Variants in TNKS2 observed in about 807,000 individuals in gnomAD.
TNKS2 encodes poly [ADP-ribose] polymerase tankyrase-2.
In TNKS2, 72 loss-of-function variants were observed where a neutral mutation model predicts 137.6. The ratio of observed to expected loss-of-function variants is 0.52; its 90% CI spans 0.43 to 0.64. The LOEUF (loss-of-function observed/expected upper bound fraction) is 0.64. Ranked by LOEUF, TNKS2 falls within the 30% of genes least tolerant of loss-of-function variation. The probability of loss-of-function intolerance (pLI) is 0.00; values close to 1 mark genes in which losing one functional copy is unlikely to be tolerated. For synonymous variants in TNKS2, 516 were observed against 512.1 expected, an observed-to-expected ratio of 1.01 and a Z score of -0.10; for missense variants, 1,049 against 1,410.2, an observed-to-expected ratio of 0.74 and a Z score of 4.10.
At chr10:91,834,542 C>G (rs1841937570) in intron 12 of TNKS2, among the ~76,000 whole-genome samples, 1 of 152,200 alleles carries the variant, frequency 6.6e-6, no homozygotes, top group South Asian at 2.1e-4. Context: ...TACATCTCTA[C>G]TTTTATTAGA....
chr10:91,803,347 C>T (rs1844233860), intron 1 of TNKS2, among the ~76,000 whole-genome samples: 1 of 151,928 alleles, frequency 6.6e-6, no homozygotes, highest in African/African-American at 2.4e-5. Context: ...CACCTCATCT[C>T]TACAAGAAAA....
At chr10:91,831,811 G>A (rs1845259877) in intron 11 of TNKS2, among the ~76,000 whole-genome samples, 1 of 152,156 alleles carries the variant, frequency 6.6e-6, no homozygotes, top group Non-Finnish European at 1.5e-5. Context: ...TGGAAGAGAT[G>A]ACAGTAGTCA....
rs529676356 is a variant in TNKS2 at position 91,798,515 on chromosome 10, C to T, written c.-176C>T. 1.5e-4 allele frequency: 102 copies of T among 695,756 alleles called. No individual in the cohort carries two copies. In the East Asian group the frequency reaches 4.2e-3, roughly 28 times the overall value. 43.1% of individuals were successfully genotyped at this position (695,756 alleles called of 1,614,324 possible). On this transcript the variant is annotated 5_prime_UTR_variant, in exon 1 of 27. Coordinates refer to ENST00000371627, the MANE Select transcript of TNKS2 (RefSeq NM_025235.4). ...GGCAGCCGGGGGGCAGGGAGCCCAG[C>T]GAGGGGCGCGCGTGGGCGCGGCCAT...
chr10:91,833,748 A>T, intron 11 of TNKS2, 105 bp from the exon 12 acceptor site: 1 of 923,754 alleles, frequency 1.1e-6, no homozygotes, highest in Non-Finnish European at 1.5e-6. Context: ...AATAGGCCTC[A>T]TAAAAGAATT....
At chr10:91,799,032 A>G in intron 1 of TNKS2, 143 bp downstream of exon 1, 15 of 1,216,456 alleles carry the variant, frequency 1.2e-5, no homozygotes, top group Non-Finnish European at 1.5e-5. Flanking sequence ...TCCAGTGGGG[A>G]CTAAGGAGAT....
intron 21 of TNKS2, among the ~76,000 whole-genome samples, chr10:91,854,287 C>T (rs1376358312): frequency 6.6e-6 from 1 of 152,104 alleles, no homozygotes; most frequent in Admixed American, 6.5e-5. Context: ...AAATGTGTTA[C>T]AAACTCATTA....
At chr10:91,858,292 T>A (rs1842763549) in intron 24 of TNKS2, among the ~76,000 whole-genome samples, 2 of 152,158 alleles carry the variant, frequency 1.3e-5, no homozygotes, top group African/African-American at 4.8e-5. Flanking sequence ...TCTAAACATG[T>A]TGCACTCCTT....
At chr10:91,829,165 A>C (rs1288319405) in intron 9 of TNKS2, among the ~76,000 whole-genome samples, 2 of 152,178 alleles carry the variant, frequency 1.3e-5, no homozygotes, top group East Asian at 3.8e-4. Flanking sequence ...TTACTTACCT[A>C]ATATCTTTTA....
At chr10:91,852,145 G>A (rs1292934262) in intron 21 of TNKS2, among the ~76,000 whole-genome samples, 2 of 151,860 alleles carry the variant, frequency 1.3e-5, no homozygotes, top group South Asian at 2.1e-4. Context: ...GGAGAATGGC[G>A]TGAACCCGGG....
intron 1 of TNKS2, 46 bp downstream of exon 1, chr10:91,798,935 C>T: frequency 1.5e-6 from 2 of 1,324,038 alleles, no homozygotes; most frequent in Non-Finnish European, 1.9e-6. Flanking sequence ...ACCCCACCTG[C>T]GCAGCCGGGG....
intron 16 of TNKS2, among the ~76,000 whole-genome samples, chr10:91,843,171 G>T (rs1270032427): frequency 6.6e-6 from 1 of 152,118 alleles, no homozygotes; most frequent in Non-Finnish European, 1.5e-5. Flanking sequence ...TGGTTTGTGA[G>T]AGTTCTCATA....
At chr10:91,817,723 G>A (rs1217579585) in intron 3 of TNKS2, among the ~76,000 whole-genome samples, 1 of 152,024 alleles carries the variant, frequency 6.6e-6, no homozygotes, top group Non-Finnish European at 1.5e-5. Context: ...GAGGATTCTA[G>A]GCACACTCAT....
At chr10:91,860,555 A>G (rs1281152112) in intron 25 of TNKS2, among the ~76,000 whole-genome samples, 1 of 152,206 alleles carries the variant, frequency 6.6e-6, no homozygotes, top group Admixed American at 6.5e-5. Context: ...TTGGCAGCAC[A>G]TTGGAATCAC....
chr10:91,851,193 G>T (rs762202020), intron 20 of TNKS2, 23 bp from the exon 21 acceptor site: 2 of 1,612,160 alleles, frequency 1.2e-6, no homozygotes, highest in Non-Finnish European at 1.7e-6. Context: ...AGCATTCTAA[G>T]TAGTTTCCTC....
intron 19 of TNKS2, among the ~76,000 whole-genome samples, chr10:91,849,114 G>A (rs893385119): frequency 3.9e-5 from 6 of 152,200 alleles, no homozygotes; most frequent in African/African-American, 1.4e-4. Context: ...TGGGATTATA[G>A]GCGTGAGCCA....
At chr10:91,832,258 T>C (rs1044014536) in intron 11 of TNKS2, among the ~76,000 whole-genome samples, 1 of 152,202 alleles carries the variant, frequency 6.6e-6, no homozygotes, top group African/African-American at 2.4e-5. Context: ...TTTTCATACT[T>C]GTGGTACATT....
chr10:91,801,634 C>A (rs561410511), intron 1 of TNKS2, among the ~76,000 whole-genome samples: 2 of 151,952 alleles, frequency 1.3e-5, no homozygotes, highest in Middle Eastern at 6.8e-3. Flanking sequence ...CTGCCACGCC[C>A]GGCAAATTTT....
intron 6 of TNKS2, among the ~76,000 whole-genome samples, chr10:91,820,893 A>G (rs546000176): frequency 7.9e-5 from 12 of 152,372 alleles, no homozygotes; most frequent in African/African-American, 2.9e-4. Context: ...TGAGCGAGGA[A>G]TAAAAGGAAA....
chr10:91,823,322 T>TTG (rs1844962995), intron 7 of TNKS2, among the ~76,000 whole-genome samples: 3 of 17,824 alleles, frequency 1.7e-4, no homozygotes, highest in African/African-American at 5.8e-4. Context: ...GTTTTTTGGT[T>TTG]TTTTTTTTTT....
Sources: allele counts gnomAD v4.1 joint callset (sites outside exome capture counted in the v4.1 genomes callset), GRCh38; gene constraint gnomAD v4.1.1; transcripts MANE v1.5; gene names NCBI Gene and HGNC (gene_info 2026-07-23, HGNC 2026-07-21).